The following RANBP1 variants were observed in gnomAD, a reference collection of about 807,000 sequenced individuals.
RANBP1 encodes the protein RAN binding protein 1.
Under a neutral mutation model 31.4 loss-of-function variants are expected in RANBP1, and 16 were observed. The observed-to-expected ratio is 0.51, with a 90% CI of 0.34 to 0.77. The LOEUF is 0.77. RANBP1 is among the 30% of genes least tolerant of loss of function. The probability of loss-of-function intolerance (pLI) is 0.01; values close to 1 mark genes in which losing one functional copy is unlikely to be tolerated. For synonymous variants in RANBP1, 129 were observed against 140.5 expected, an observed-to-expected ratio of 0.92 and a Z score of 0.58; for missense variants, 265 against 362.0, an observed-to-expected ratio of 0.73 and a Z score of 2.17.
At chr22:20,116,823 A>ACCC in intron 1 of RANBP1, 16 of 1,294,000 alleles carry the variant, frequency 1.2e-5, no homozygotes, top group Non-Finnish European at 1.7e-5. Flanking sequence ...AGGTTTCCTG[A>ACCC]CCCACCCCGC....
intron 3 of RANBP1, chr22:20,122,692 C>T (rs569881042): frequency 2.3e-4 from 310 of 1,324,346 alleles, no homozygotes; most frequent in South Asian, 6.4e-4. Context: ...GGGCTCGGGA[C>T]GAGGAGTGAG....
chr22:20,125,674 T>C, intron 4 of RANBP1: 1 of 1,392,480 alleles, frequency 7.2e-7, no homozygotes, highest in Non-Finnish European at 9.3e-7. Context: ...CAGTGCCCGC[T>C]CAGCCGCCTT....
At chr22:20,118,781 G>A (rs989920958) in intron 1 of RANBP1, among the ~76,000 whole-genome samples, 1 of 152,222 alleles carries the variant, frequency 6.6e-6, no homozygotes, top group African/African-American at 2.4e-5. Context: ...GTGAATCTGG[G>A]GGAGGGGCCC....
chr22:20,117,246 G>A (rs951677145), intron 1 of RANBP1: 5 of 546,246 alleles, frequency 9.2e-6, no homozygotes, highest in Non-Finnish European at 1.4e-5. Context: ...TTCTGGCAAC[G>A]TCATCGTCAC....
intron 3 of RANBP1, chr22:20,122,698 G>A: frequency 7.1e-7 from 1 of 1,403,986 alleles, no homozygotes; most frequent in Non-Finnish European, 9.5e-7. Context: ...GGGACGAGGA[G>A]TGAGTGCTGC....
intron 1 of RANBP1, chr22:20,116,863 A>G (rs757149567): frequency 4.4e-5 from 54 of 1,236,104 alleles, no homozygotes; most frequent in Non-Finnish European, 5.7e-5. Context: ...GTCTCTACCC[A>G]GCGTCTCCCC....
At chr22:20,117,522 G>A in intron 1 of RANBP1, 2 of 1,308,272 alleles carry the variant, frequency 1.5e-6, no homozygotes, top group East Asian at 3.8e-5. Context: ...TCGTGGGGCG[G>A]AGGGAAGAGC....
Position 20,127,298 on chromosome 22 carries a change from G to C in RANBP1, c.*246G>C. The C allele has an allele frequency of 3.0e-6, 1 of 330,882 alleles. No homozygotes were observed. Among genetic ancestry groups the C allele is most frequent in the South Asian group, 3.3e-5 (1 of 30,374 alleles). 20.5% of individuals were successfully genotyped at this position (330,882 alleles called of 1,614,324 possible). A position where few individuals can be genotyped will look rare whatever the true frequency, so the allele number is the denominator to read the frequency against. ...TGTGCTAACTTTCTTTTCCATAGTG[G>C]AAACACTTATTTATAGTCATCAAAA... On this transcript the variant is annotated 3_prime_UTR_variant, in exon 6 of 6. Coordinates refer to ENST00000430524, the MANE Select transcript of RANBP1 (RefSeq NM_001278639.2).
chr22:20,117,412 G>T, intron 1 of RANBP1: 1 of 1,209,854 alleles, frequency 8.3e-7, no homozygotes, highest in South Asian at 2.9e-5. Context: ...CGCGGGGCGG[G>T]CCGGACAATG....
chr22:20,117,696 G>T, intron 1 of RANBP1: 1 of 1,119,544 alleles, frequency 8.9e-7, no homozygotes. Context: ...GACAGGGTGG[G>T]CGGGCGGGGC....
intron 1 of RANBP1, chr22:20,118,313 G>C: frequency 1.0e-6 from 1 of 1,002,420 alleles, no homozygotes; most frequent in Non-Finnish European, 1.2e-6. Flanking sequence ...GGGTGACCAA[G>C]GCATGTGTTC....
chr22:20,116,731 TC>T, intron 1 of RANBP1: 2 of 1,368,372 alleles, frequency 1.5e-6, no homozygotes, highest in Non-Finnish European at 2.0e-6. Flanking sequence ...GCCCTGCCCC[TC>T]CCCCAGTCTA....
In RANBP1 at chr22:20,117,887, C is replaced by T. The variant is rs545609133; in HGVS notation, c.247-1126C>T. 9.8e-6 allele frequency: 10 copies of T among 1,018,382 alleles called. No homozygotes were observed. In the East Asian group the frequency reaches 7.8e-4, roughly 80 times the overall value. The allele number at this position is 1,018,382 out of a possible 1,614,324, so 63.1% of individuals were successfully genotyped here. A position where few individuals can be genotyped will look rare whatever the true frequency, so the allele number is the denominator to read the frequency against. On this transcript the variant is annotated intron_variant, in intron 1 of 5. Transcript: ENST00000430524. ...TGCAGGCTCTGCAGAGGCCTGGGGG[C>T]TGCAGGGCCCCCGCGTGACCTTGGG...
rs2050013516 is a variant in RANBP1 at position 20,116,237 on chromosome 22, A to G, written c.53A>G (p.Gln18Arg). Residue 18 changes from glutamine to arginine, a missense_variant, in exon 1 of 6, where the codon CAG becomes CGG. By Grantham distance (43) the Gln-to-Arg change is conservative (BLOSUM62 1). Coordinates refer to ENST00000430524, the MANE Select transcript of RANBP1 (RefSeq NM_001278639.2). ...ARRTLSGRPFQRAPCKTRRAL... is the reference protein window; with the variant it reads ...ARRTLSGRPFRRAPCKTRRAL... Reference sequence around the variant, plus strand: ...CGCACACTGAGTGGGCGGCCTTTCCAGAGGGCACCATGCAAAACGCGCAGG... The same window carrying G: ...CGCACACTGAGTGGGCGGCCTTTCCGGAGGGCACCATGCAAAACGCGCAGG... The G allele has an allele frequency of 2.5e-6, 4 of 1,612,986 alleles. No homozygotes were observed. Among genetic ancestry groups the G allele is most frequent in the South Asian group, 1.1e-5 (1 of 91,090 alleles).
chr22:20,123,809 G>T (rs549592678), intron 3 of RANBP1, among the ~76,000 whole-genome samples: 18 of 152,058 alleles, frequency 1.2e-4, no homozygotes, highest in Admixed American at 2.0e-4. Context: ...AACCTGCACT[G>T]CCCAGCTTGT....
chr22:20,118,738 C>T (rs1414084706), intron 1 of RANBP1, among the ~76,000 whole-genome samples: 1 of 152,240 alleles, frequency 6.6e-6, no homozygotes, highest in South Asian at 2.1e-4. Flanking sequence ...GTAGGGTCCC[C>T]CATCAGTCTG....
At chr22:20,119,837 G>A (rs1181820021) in intron 2 of RANBP1, among the ~76,000 whole-genome samples, 1 of 152,170 alleles carries the variant, frequency 6.6e-6, no homozygotes, top group African/African-American at 2.4e-5. Context: ...ACAACATGAT[G>A]CTTGCGATAA....
chr22:20,126,434 G>C, intron 5 of RANBP1, 66 bp downstream of exon 5: 1 of 1,612,048 alleles, frequency 6.2e-7, no homozygotes, highest in Non-Finnish European at 8.5e-7. Context: ...TATACTTCCA[G>C]GCGGGTGCTT....
At chr22:20,119,355 A>G in intron 2 of RANBP1, 1 of 569,658 alleles carries the variant, frequency 1.8e-6, no homozygotes, top group Non-Finnish European at 3.1e-6. Flanking sequence ...AGCCAGTTGC[A>G]TGAAGGGCAT....
Sources: allele counts gnomAD v4.1 joint callset (sites outside exome capture counted in the v4.1 genomes callset), GRCh38; gene constraint gnomAD v4.1.1; transcripts MANE v1.5; gene names NCBI Gene and HGNC (gene_info 2026-07-23, HGNC 2026-07-21).